SVIL: variants seen among roughly 807,000 people sequenced by gnomAD.
The protein encoded by SVIL is supervillin.
Under a neutral mutation model 240.4 loss-of-function variants are expected in SVIL, and 101 were observed. The observed-to-expected ratio is 0.42, with a 90% CI of 0.36 to 0.50. SVIL has a LOEUF of 0.50. SVIL is among the 20% of genes least tolerant of loss of function. The pLI is 0.01. For missense variants in SVIL, 2,512 were observed against 2,818.7 expected (o/e 0.89, Z 2.46); for synonymous variants, 999 against 1,100.0 (o/e 0.91, Z 1.82).
rs779667609 is a variant in SVIL, at chr10:29,481,702, G to A, written c.4982C>T (p.Ala1661Val). The change falls in exon 28 of 38, where the codon GCG becomes GTG. Residue 1661 changes from alanine (A) to valine (V), a missense_variant. Physicochemically the swap from Ala to Val is moderately conservative, Grantham distance 64 (BLOSUM62 0). Transcript: ENST00000355867. ...PRKGQGRPDW[A>V]IFGRLTEHNE... ...GTGTTCAGTAAGTCTCCCAAATATC[G>A]CCCAGTCGGGCCGCCCCTGTCCTTT... is the stretch of plus-strand genomic sequence containing the variant. 9.3e-6 allele frequency: 15 copies of A among 1,610,070 alleles called. No individual in the cohort carries two copies. The highest frequency in any genetic ancestry group is 2.7e-5 in the African/African-American group (2 of 74,746).
intron 18 of SVIL, among the ~76,000 whole-genome samples, chr10:29,497,097 G>C (rs947475179): frequency 6.6e-6 from 1 of 152,220 alleles, no homozygotes; most frequent in South Asian, 2.1e-4. Flanking sequence ...ACCATTCCAA[G>C]ATAAGGTAAG....
chr10:29,691,535 T>G (rs1341433366), intron 1 of SVIL, among the ~76,000 whole-genome samples: 2 of 152,180 alleles, frequency 1.3e-5, no homozygotes, highest in East Asian at 3.8e-4. Context: ...TTTTTAAAGA[T>G]TCTTTTCTTG....
At chr10:29,669,827 G>A (rs747811927) in intron 2 of SVIL, among the ~76,000 whole-genome samples, 2 of 152,216 alleles carry the variant, frequency 1.3e-5, no homozygotes, top group African/African-American at 4.8e-5. Flanking sequence ...TAAGATAAAG[G>A]AAAGTTGCCG....
chr10:29,463,365 A>G, intron 35 of SVIL, 127 bp downstream of exon 35: 10 of 1,302,556 alleles, frequency 7.7e-6, no homozygotes, highest in Non-Finnish European at 1.0e-5. Flanking sequence ...TTTCATCACC[A>G]CCTGCCAGGC....
intron 1 of SVIL, among the ~76,000 whole-genome samples, chr10:29,703,026 C>G (rs1363722312): frequency 6.6e-6 from 1 of 152,138 alleles, no homozygotes; most frequent in Non-Finnish European, 1.5e-5. Flanking sequence ...ATCTTAGGCT[C>G]TCGTCCAAGA....
intron 17 of SVIL, among the ~76,000 whole-genome samples, chr10:29,509,360 A>AGAGAGAGAGAGAGGG (rs1949649532): frequency 7.6e-6 from 1 of 131,862 alleles, no homozygotes; most frequent in Non-Finnish European, 1.6e-5. Flanking sequence ...AGAGAGAGAG[A>AGAGAGAGAGAGAGGG]GAGAGAGAGA....
At chr10:29,538,533 TCTC>T (rs1951900537) in intron 6 of SVIL, among the ~76,000 whole-genome samples, 1 of 152,220 alleles carries the variant, frequency 6.6e-6, no homozygotes, top group African/African-American at 2.4e-5. Flanking sequence ...ATTCTGTTCT[TCTC>T]CTGGGCCGGT....
rs1589602193 is a variant in SVIL, at chr10:29,735,242, C to G, written c.-400+509G>C. Among the ~76,000 whole-genome samples the G allele has an allele frequency of 9.9e-5, 15 of 152,162 alleles. No homozygotes were observed. In the South Asian group the frequency reaches 3.1e-3, roughly 32 times the overall value. ...GCGCGGGCCCTGCGGAGGCGCCGGT[C>G]TGGGACCCCGGGCTGGGGCGCGGGA... On this transcript the variant is annotated intron_variant, in intron 1 of 35. Coordinates refer to the SVIL transcript ENST00000375400. This position sits in a 1 kb window ranked among gnomAD's most constrained non-coding sequence, Gnocchi z 4.1.
chr10:29,599,760 A>C (rs965976924), intron 1 of SVIL, among the ~76,000 whole-genome samples: 12 of 152,184 alleles, frequency 7.9e-5, no homozygotes, highest in African/African-American at 2.9e-4. Flanking sequence ...AGCAAAAATA[A>C]CAAAATCAAT....
intron 16 of SVIL, among the ~76,000 whole-genome samples, chr10:29,517,422 T>A (rs1384544832): frequency 6.6e-6 from 1 of 151,784 alleles, no homozygotes; most frequent in Non-Finnish European, 1.5e-5. Context: ...GCCAAGACCC[T>A]GTCTAGAAAA....
chr10:29,522,270 T>C lies in SVIL; in HGVS notation c.3389+140A>G, dbSNP rs950821820. On this transcript the variant is annotated intron_variant, in intron 16 of 37. Transcript: ENST00000355867. ...CTCAAACACCTCAGCTTCCTAGAAT[T>C]ACTCCAGGACAACAGCACAGTCCTG... is the stretch of plus-strand genomic sequence containing the variant. The C allele has an allele frequency of 3.0e-5, 25 of 846,142 alleles. No homozygotes were observed. In the Admixed American group the frequency reaches 4.2e-4, roughly 14 times the overall value. The allele number at this position is 846,142 out of a possible 1,614,324, so 52.4% of individuals were successfully genotyped here.
chr10:29,552,920 G>A (rs1953510147), intron 5 of SVIL, among the ~76,000 whole-genome samples: 1 of 152,118 alleles, frequency 6.6e-6, no homozygotes, highest in South Asian at 2.1e-4. Context: ...ACCATTTCGG[G>A]TACACTACGG....
intron 3 of SVIL, among the ~76,000 whole-genome samples, chr10:29,562,037 G>C (rs1292837877): frequency 6.6e-6 from 1 of 152,010 alleles, no homozygotes; most frequent in African/African-American, 2.4e-5. Flanking sequence ...TTCGTCAGTG[G>C]GACTTTTTTT....
chr10:29,558,956 G>A (rs1320062343), intron 3 of SVIL, among the ~76,000 whole-genome samples: 2 of 146,440 alleles, frequency 1.4e-5, no homozygotes, highest in Admixed American at 6.9e-5. Context: ...TAAAAAATAT[G>A]GTTTATATTA....
intron 3 of SVIL, among the ~76,000 whole-genome samples, chr10:29,556,577 G>C (rs543163543): frequency 1.2e-4 from 18 of 152,144 alleles, no homozygotes; most frequent in African/African-American, 4.3e-4. Context: ...TGAGATAGCC[G>C]GCTTCAAAAA....
At chr10:29,633,726 G>GC (rs1958203081) in intron 1 of SVIL, among the ~76,000 whole-genome samples, 1 of 151,690 alleles carries the variant, frequency 6.6e-6, no homozygotes, top group African/African-American at 2.4e-5. Context: ...GTTCACTGCT[G>GC]TTTTTCAGCA....
chr10:29,493,116 A>C, intron 21 of SVIL, 98 bp downstream of exon 21: 1 of 1,359,640 alleles, frequency 7.4e-7, no homozygotes, highest in Non-Finnish European at 1.0e-6. Flanking sequence ...TTAGAAGGAG[A>C]AGGAGGCCAC....
At chr10:29,487,971 A>AT (rs1234902419) in intron 23 of SVIL, among the ~76,000 whole-genome samples, 2 of 152,090 alleles carry the variant, frequency 1.3e-5, no homozygotes, top group Non-Finnish European at 2.9e-5. Flanking sequence ...GAGGGAGAGG[A>AT]TATTTCCTTC....
intron 1 of SVIL, among the ~76,000 whole-genome samples, chr10:29,708,257 C>CAAA (rs35982600): frequency 0.022 from 1,400 of 62,658 alleles, 53 homozygotes; most frequent in African/African-American, 0.08. Context: ...GACTCCATCT[C>CAAA]AAAAAAAAAA....
Sources: gnomAD v4.1 joint callset for allele counts (sites outside exome capture counted in the v4.1 genomes callset) on GRCh38, gnomAD v4.1.1 for gene constraint, Gnocchi (gnomAD v3.1) non-coding constraint, MANE v1.5 for transcripts, NCBI Gene and HGNC (gene_info 2026-07-23, HGNC 2026-07-21) for gene names.